Variants in LHCGR observed in about 807,000 individuals in gnomAD.
The protein encoded by LHCGR is lutropin-choriogonadotropic hormone receptor.
In LHCGR, 55 loss-of-function variants were observed where a neutral mutation model predicts 60.7. The observed-to-expected ratio is 0.91, with a 90% confidence interval of 0.73 to 1.13. The LOEUF is 1.13. Among genes scored for constraint, LHCGR ranks in the 50% most tolerant of loss-of-function variants. The pLI, the probability that LHCGR is intolerant of heterozygous loss-of-function variation, is 0.00. For missense variants in LHCGR, 862 were observed against 836.0 expected (o/e 1.03, Z -0.38); for synonymous variants, 337 against 316.5 (o/e 1.06, Z -0.69).
chr2:48,719,889 G>A (rs548911417), intron 6 of LHCGR, among the ~76,000 whole-genome samples: 20 of 152,274 alleles, frequency 1.3e-4, no homozygotes, highest in African/African-American at 3.9e-4. Flanking sequence ...CTCTTTAAGC[G>A]TAATGCCCTT....
rs139337317 is a variant in LHCGR, at chr2:48,753,261, T to C, written c.161+2250A>G. Among the ~76,000 whole-genome samples the C allele has an allele frequency of 1.7e-3, 254 of 152,324 alleles. 1 individual carries two copies. The highest frequency in any genetic ancestry group is 5.8e-3 in the African/African-American group (241 of 41,580). On this transcript the variant is annotated intron_variant, in intron 1 of 10. Transcript: ENST00000294954. ...AGCTAAGACCATACTTTGAGAAATA[T>C]TGCCTTGAAGTAACAACCCTCCCTT...
intron 1 of LHCGR, among the ~76,000 whole-genome samples, chr2:48,743,132 G>T (rs914696612): frequency 2.0e-5 from 3 of 152,170 alleles, no homozygotes; most frequent in Non-Finnish European, 2.9e-5. Context: ...ACTTTTCCAA[G>T]ACTAAACCAG....
At chr2:48,696,636 A>G (rs1222311694) in intron 9 of LHCGR, among the ~76,000 whole-genome samples, 2 of 152,190 alleles carry the variant, frequency 1.3e-5, no homozygotes, top group Non-Finnish European at 2.9e-5. Context: ...CCCGCCAAGA[A>G]AAAAGAAAAA....
Position 48,707,196 on chromosome 2 carries a change from T to G in LHCGR, c.680+1752A>C, listed in dbSNP as rs6545059. Among the ~76,000 whole-genome samples, 17 of 152,362 alleles carry G rather than the reference T, an allele frequency of 1.1e-4. No homozygotes were observed. In the East Asian group the frequency reaches 2.1e-3, roughly 19 times the overall value. On this transcript the variant is annotated intron_variant, in intron 8 of 10. Transcript: ENST00000294954. The stretch of plus-strand genomic sequence containing the variant: ...AGTTTGCTGGAGATCCACTCCGGAC[T>G]CTGTTTGCCTGGATATCACCAGCAG...
rs1680049717 is a variant in LHCGR, at chr2:48,688,916, G to A, written c.948-67C>T. On this transcript the variant is annotated intron_variant, in intron 10 of 10. Transcript: ENST00000294954. This position sits in a 1 kb window ranked among gnomAD's most constrained non-coding sequence, Gnocchi z 5.2. ...GAGTATTAAAAAATTCAAGAATTAT[G>A]TTTCTTTAAAGGCAAAGAAACAAAA... 2 of 1,459,036 alleles carry A rather than the reference G, an allele frequency of 1.4e-6. No individual in the cohort carries two copies. The highest frequency in any genetic ancestry group is 1.4e-5 in the African/African-American group (1 of 71,740). 90.4% of individuals were successfully genotyped at this position (1,459,036 alleles called of 1,614,324 possible).
At chr2:48,700,956 C>A (rs893367361) in intron 8 of LHCGR, among the ~76,000 whole-genome samples, 1 of 151,870 alleles carries the variant, frequency 6.6e-6, no homozygotes, top group African/African-American at 2.4e-5. Flanking sequence ...GCAGGACTTA[C>A]GAAGTAGACA....
intron 2 of LHCGR, 124 bp downstream of exon 2, chr2:48,731,103 T>C: frequency 1.5e-6 from 1 of 659,756 alleles, no homozygotes; most frequent in Non-Finnish European, 2.7e-6. Context: ...AAGATAAAAA[T>C]ATGTGAGTAT....
At chr2:48,745,731 G>A (rs2103711941) in intron 1 of LHCGR, among the ~76,000 whole-genome samples, 1 of 151,100 alleles carries the variant, frequency 6.6e-6, no homozygotes, top group Non-Finnish European at 1.5e-5. Flanking sequence ...AGCGTTGGGA[G>A]ATATACCTAA....
intron 6 of LHCGR, among the ~76,000 whole-genome samples, chr2:48,715,145 C>G (rs1207988398): frequency 6.6e-6 from 1 of 152,110 alleles, no homozygotes. Context: ...TTTCCCTATA[C>G]TCCTTCCCTG....
At chr2:48,699,887 C>T (rs1667323703) in intron 8 of LHCGR, among the ~76,000 whole-genome samples, 1 of 152,192 alleles carries the variant, frequency 6.6e-6, no homozygotes, top group African/African-American at 2.4e-5. Context: ...GGGAATTAAA[C>T]AATTCTGCTT....
intron 10 of LHCGR, among the ~76,000 whole-genome samples, chr2:48,690,790 T>A (rs1284076063): frequency 1.3e-5 from 2 of 152,214 alleles, no homozygotes; most frequent in Admixed American, 1.3e-4. Context: ...TCAAAACCTA[T>A]TGCAATTAAG....
chr2:48,713,108 A>G (rs912640312), intron 7 of LHCGR, among the ~76,000 whole-genome samples: 1 of 152,290 alleles, frequency 6.6e-6, no homozygotes, highest in East Asian at 1.9e-4. Context: ...ACTGAATCCA[A>G]GTTTCTGGGG....
intron 1 of LHCGR, among the ~76,000 whole-genome samples, chr2:48,748,019 G>A (rs1045598149): frequency 3.5e-4 from 54 of 152,142 alleles, no homozygotes; most frequent in Non-Finnish European, 6.8e-4. Context: ...CCTCTATAGA[G>A]AATGAGCCTT....
chr2:48,699,282 C>G lies in LHCGR; in HGVS notation c.681-482G>C, dbSNP rs145399500. Reference sequence around the variant, plus strand: ...TCAGAAAAGCGAGTCTGTATTTTTTCTCATGTGCGCCTCATTATTCTTTTC... The same window carrying G: ...TCAGAAAAGCGAGTCTGTATTTTTTGTCATGTGCGCCTCATTATTCTTTTC... On this transcript the variant is annotated intron_variant, in intron 8 of 10. Transcript: ENST00000294954. 3.9e-3 allele frequency among the ~76,000 whole-genome samples: 599 copies of G among 152,196 alleles called. 9 individuals are homozygous for G. The highest frequency in any genetic ancestry group is 0.013 in the African/African-American group (554 of 41,526).
intron 1 of LHCGR, among the ~76,000 whole-genome samples, chr2:48,752,981 C>CGGGGGGGGGGGGGGTGGG (rs1670031976): frequency 7.9e-4 from 6 of 7,618 alleles, no homozygotes; most frequent in Admixed American, 1.4e-3. Context: ...CGGATTTTGG[C>CGGGGGGGGGGGGGGTGGG]GGGGGGGGGG....
intron 9 of LHCGR, among the ~76,000 whole-genome samples, chr2:48,697,643 A>G (rs1172010896): frequency 6.6e-6 from 1 of 152,196 alleles, no homozygotes; most frequent in Admixed American, 6.5e-5. Context: ...ATTTTGGTTG[A>G]TTCCAAACAA....
chr2:48,732,779 T>G (rs1669054208), intron 1 of LHCGR: 4 of 517,074 alleles, frequency 7.7e-6, no homozygotes. Context: ...CCTCCCTAGG[T>G]GCTAATAGGG....
At chr2:48,704,325 A>T (rs973412166) in intron 8 of LHCGR, among the ~76,000 whole-genome samples, 26 of 152,214 alleles carry the variant, frequency 1.7e-4, no homozygotes, top group African/African-American at 6.3e-4. Flanking sequence ...ATCGATGTTC[A>T]TCAGGGATAT....
At chr2:48,698,906 A>AC in intron 8 of LHCGR, 106 bp from the exon 9 acceptor site, 1 of 855,366 alleles carries the variant, frequency 1.2e-6, no homozygotes, top group South Asian at 1.6e-5. Context: ...CAGTGGCACG[A>AC]CCTCGGCTCA....
Sources: gnomAD v4.1 joint callset for allele counts (sites outside exome capture counted in the v4.1 genomes callset) on GRCh38, gnomAD v4.1.1 for gene constraint, Gnocchi (gnomAD v3.1) non-coding constraint, MANE v1.5 for transcripts, NCBI Gene and HGNC (gene_info 2026-07-23, HGNC 2026-07-21) for gene names.